Variants in UBE3D observed in about 807,000 individuals in gnomAD.
UBE3D encodes ubiquitin protein ligase E3D.
A neutral mutation model predicts 49.6 loss-of-function variants in UBE3D; 48 were observed. The observed-to-expected ratio is 0.97, with a 90% CI of 0.77 to 1.23. The LOEUF (loss-of-function observed/expected upper bound fraction) is 1.23. Ranked by LOEUF, UBE3D falls within the 50% of genes most tolerant of loss-of-function variation. UBE3D has a pLI of 0.00. For synonymous variants in UBE3D, 189 were observed against 174.2 expected, an observed-to-expected ratio of 1.08 and a Z score of -0.67; for missense variants, 452 against 468.4, an observed-to-expected ratio of 0.96 and a Z score of 0.32.
chr6:83,059,387 GA>G (rs1343628037), intron 1 of UBE3D, among the ~76,000 whole-genome samples: 2 of 152,050 alleles, frequency 1.3e-5, no homozygotes, highest in African/African-American at 4.8e-5. Flanking sequence ...CTGTCTAAAA[GA>G]AAAAAAGATA....
intron 9 of UBE3D, among the ~76,000 whole-genome samples, chr6:82,907,266 T>C (rs916543354): frequency 1.3e-5 from 2 of 152,184 alleles, no homozygotes; most frequent in African/African-American, 4.8e-5. Context: ...TGGAAGGCTA[T>C]GCCATAGAAA....
chr6:82,953,044 T>G (rs1775913456), intron 9 of UBE3D, among the ~76,000 whole-genome samples: 1 of 152,224 alleles, frequency 6.6e-6, no homozygotes, highest in African/African-American at 2.4e-5. Flanking sequence ...ATTGCAGGAC[T>G]TCAGGTTAAG....
chr6:82,967,286 T>G (rs192385532), intron 8 of UBE3D, among the ~76,000 whole-genome samples: 22 of 152,326 alleles, frequency 1.4e-4, no homozygotes, highest in African/African-American at 5.3e-4. Flanking sequence ...TCACCAACCT[T>G]TTTTAAACCT....
At chr6:82,940,511 C>T (rs754989582) in intron 9 of UBE3D, among the ~76,000 whole-genome samples, 78 of 152,286 alleles carry the variant, frequency 5.1e-4, no homozygotes, top group Admixed American at 1.9e-3. Flanking sequence ...TCCAGGGACC[C>T]GAAGGTGCCA....
At position 83,020,326 on chromosome 6, in the gene UBE3D, T is replaced by C. The variant is rs548359133; in HGVS notation, c.847-1190A>G. 2.8e-5 allele frequency among the ~76,000 whole-genome samples: 4 copies of C among 141,838 alleles called. No homozygotes were observed. In the South Asian group the frequency reaches 9.0e-4, roughly 32 times the overall value. The allele number at this position is 141,838 out of a possible 152,430, so 93.1% of individuals were successfully genotyped here. A position where few individuals can be genotyped will look rare whatever the true frequency, so the allele number is the denominator to read the frequency against. ...AAGCAAGCAGGTTGCAGAAAAACGC[T>C]AATCATGTGATACTGTTTTTTTTTT... On this transcript the variant is annotated intron_variant, in intron 7 of 9. Transcript: ENST00000369747.
intron 9 of UBE3D, among the ~76,000 whole-genome samples, chr6:82,928,891 G>C (rs891474922): frequency 1.3e-5 from 2 of 152,058 alleles, no homozygotes; most frequent in East Asian, 1.9e-4. Flanking sequence ...TTCTAACAAA[G>C]ATATGCATAA....
chr6:82,924,554 T>C (rs974621743), intron 9 of UBE3D, among the ~76,000 whole-genome samples: 1 of 152,206 alleles, frequency 6.6e-6, no homozygotes, highest in South Asian at 2.1e-4. Context: ...GGAAAGTGAT[T>C]AGGTAATTTG....
chr6:82,943,107 T>C (rs545050478), intron 9 of UBE3D, among the ~76,000 whole-genome samples: 6 of 152,314 alleles, frequency 3.9e-5, no homozygotes, highest in Non-Finnish European at 5.9e-5. Context: ...GAGATCAGTT[T>C]TGAACTTTAA....
At chr6:82,980,507 T>C (rs1454895644) in intron 8 of UBE3D, among the ~76,000 whole-genome samples, 3 of 152,108 alleles carry the variant, frequency 2.0e-5, no homozygotes, top group Non-Finnish European at 4.4e-5. Flanking sequence ...TTTACAGATA[T>C]TTTCTCCCCT....
At chr6:82,997,257 A>C (rs1779305572) in intron 8 of UBE3D, among the ~76,000 whole-genome samples, 1 of 152,242 alleles carries the variant, frequency 6.6e-6, no homozygotes, top group African/African-American at 2.4e-5. Flanking sequence ...AATTGTATCA[A>C]AGAAAAATTT....
chr6:82,956,400 G>A (rs533173371), intron 9 of UBE3D, among the ~76,000 whole-genome samples: 2 of 152,288 alleles, frequency 1.3e-5, no homozygotes, highest in East Asian at 3.9e-4. Flanking sequence ...AGCTGACTGC[G>A]AGGGAGGCGG....
chr6:82,905,019 A>G (rs778954528), intron 9 of UBE3D, among the ~76,000 whole-genome samples: 13 of 152,182 alleles, frequency 8.5e-5, no homozygotes, highest in Non-Finnish European at 4.4e-5. Context: ...GATTCAAACC[A>G]GCACATCCTG....
chr6:82,911,690 G>GAGTT (rs1459074796), intron 9 of UBE3D, among the ~76,000 whole-genome samples: 1 of 152,126 alleles, frequency 6.6e-6, no homozygotes. Context: ...CATTTCACTA[G>GAGTT]TGCTGCTGCC....
intron 4 of UBE3D, 144 bp downstream of exon 4, chr6:83,044,284 G>T: frequency 2.7e-6 from 2 of 747,314 alleles, no homozygotes; most frequent in Non-Finnish European, 4.3e-6. Context: ...TTTTGATAAA[G>T]CAACGATAGC....
In UBE3D at chr6:83,057,864, A is replaced by C. The variant is rs781134325; in HGVS notation, c.236T>G (p.Leu79Arg). ...RGLQFVVGDG[L>R]HLRLQTQAKL... Reference sequence around the variant, plus strand: ...TGCTTGCGTCTGCAGTCGCAGGTGCAGTCCATCTCCAACAACAAACTGTAG... The same window carrying C: ...TGCTTGCGTCTGCAGTCGCAGGTGCCGTCCATCTCCAACAACAAACTGTAG... The change falls in exon 2 of 10, where the codon CTG (leucine) becomes CGG (arginine). Residue 79 changes from leucine (L) to arginine (R), a missense_variant. Leu to Arg is a moderately radical substitution (Grantham distance 102). Transcript: ENST00000369747. 4 of 1,614,186 alleles carry C rather than the reference A, an allele frequency of 2.5e-6. No homozygotes were observed. The highest frequency in any genetic ancestry group is 3.4e-6 in the Non-Finnish European group (4 of 1,180,032).
chr6:82,996,355 T>C (rs923910742), intron 8 of UBE3D, among the ~76,000 whole-genome samples: 3 of 130,030 alleles, frequency 2.3e-5, no homozygotes, highest in Non-Finnish European at 5.1e-5. Context: ...AATAAATAAA[T>C]AAAATCATAG....
intron 5 of UBE3D, among the ~76,000 whole-genome samples, chr6:83,028,884 C>G (rs1264184295): frequency 6.6e-6 from 1 of 152,146 alleles, no homozygotes; most frequent in Non-Finnish European, 1.5e-5. Context: ...ATGCTAGATA[C>G]AGTACTGTTG....
At chr6:82,881,470 T>C in the UBE3D span, among the ~76,000 whole-genome samples, 2 of 152,234 alleles carry the variant, frequency 1.3e-5, no homozygotes, top group East Asian at 3.9e-4. Context: ...TGCCTGAGCA[T>C]CTGGTGATGA....
the UBE3D span, among the ~76,000 whole-genome samples, chr6:82,881,055 T>A: frequency 6.6e-6 from 1 of 152,146 alleles, no homozygotes; most frequent in African/African-American, 2.4e-5. Flanking sequence ...CCTAATACCA[T>A]CTCATTGAGG....
Sources: gnomAD v4.1 joint callset for allele counts (sites outside exome capture counted in the v4.1 genomes callset) on GRCh38, gnomAD v4.1.1 for gene constraint, MANE v1.5 for transcripts, NCBI Gene and HGNC (gene_info 2026-07-23, HGNC 2026-07-21) for gene names.